The following CHODL variants were observed in gnomAD, a reference collection of about 807,000 sequenced individuals.
CHODL encodes the protein chondrolectin, also known as transmembrane protein MT75.
CHODL carries 29 observed loss-of-function variants against 34.5 expected under a neutral mutation model. That is an observed-to-expected ratio of 0.84 (90% CI 0.63 to 1.15). The LOEUF (loss-of-function observed/expected upper bound fraction) is 1.15. Among genes scored for constraint, CHODL ranks in the 50% most tolerant of loss-of-function variants. The pLI, the probability that CHODL is intolerant of heterozygous loss-of-function variation, is 0.00. For synonymous variants in CHODL, 125 were observed against 116.1 expected (o/e 1.08, Z -0.49); for missense variants, 332 against 332.5 (o/e 1.00, Z 0.01).
At chr21:18,070,928 A>G (rs1449044712) in intron 2 of CHODL, among the ~76,000 whole-genome samples, 1 of 151,520 alleles carries the variant, frequency 6.6e-6, no homozygotes, top group Non-Finnish European at 1.5e-5. Flanking sequence ...CTCTTCCTGC[A>G]TTACTCAGTT....
chr21:17,949,645 A>G (rs1279934043), intron 1 of CHODL, among the ~76,000 whole-genome samples: 6 of 152,176 alleles, frequency 3.9e-5, no homozygotes, highest in Admixed American at 3.3e-4. Context: ...GTACTGACCT[A>G]TCTCCTCTGA....
chr21:18,136,786 A>C (rs925947607), intron 2 of CHODL, among the ~76,000 whole-genome samples: 9 of 147,678 alleles, frequency 6.1e-5, no homozygotes, highest in Admixed American at 2.7e-4. Context: ...ATATGCTCAC[A>C]TATATGATAT....
In CHODL at chr21:17,919,747, A is replaced by T. The variant is rs145825191; in HGVS notation, c.-145+2347A>T. Among the ~76,000 whole-genome samples the T allele has an allele frequency of 8.0e-3, 1,216 of 152,296 alleles. 18 individuals carry two copies. The highest frequency in any genetic ancestry group is 0.027 in the African/African-American group (1,120 of 41,552). On this transcript the variant is annotated intron_variant, in intron 1 of 6. Coordinates refer to the CHODL transcript ENST00000400127. ...CAGAAAATGGGATTTTCTTTTCTAT[A>T]GCATTGTTAGGCTGCAAATTTTTCA...
intron 2 of CHODL, among the ~76,000 whole-genome samples, chr21:18,123,415 A>G (rs1161263666): frequency 2.0e-5 from 3 of 152,208 alleles, no homozygotes; most frequent in Non-Finnish European, 4.4e-5. Flanking sequence ...ATTCTATACC[A>G]GTTGTCTTAG....
chr21:17,939,497 CAATA>C (rs2063346208), intron 1 of CHODL, among the ~76,000 whole-genome samples: 1 of 152,092 alleles, frequency 6.6e-6, no homozygotes, highest in African/African-American at 2.4e-5. Flanking sequence ...ACATTAAAAA[CAATA>C]AAGTAATTCA....
At chr21:17,947,383 A>G (rs1407321391) in intron 1 of CHODL, among the ~76,000 whole-genome samples, 1 of 152,140 alleles carries the variant, frequency 6.6e-6, no homozygotes, top group Non-Finnish European at 1.5e-5. Context: ...AGTTTATAGC[A>G]GTAAACACCT....
chr21:18,098,048 T>G (rs188633250), intron 2 of CHODL, among the ~76,000 whole-genome samples: 1 of 152,038 alleles, frequency 6.6e-6, no homozygotes, highest in East Asian at 1.9e-4. Flanking sequence ...TCTCACCACA[T>G]ACAAAAATAA....
intron 2 of CHODL, among the ~76,000 whole-genome samples, chr21:18,071,569 CCCACGTGATTTTTCTAAGAGA>C (rs1056152715): frequency 2.6e-5 from 4 of 152,036 alleles, no homozygotes; most frequent in Non-Finnish European, 4.4e-5. Flanking sequence ...TACACAGCTC[CCCACGTGATTTTTCTAAGAGA>C]CAATTATTTC....
chr21:18,013,159 T>C (rs920132855), intron 1 of CHODL, among the ~76,000 whole-genome samples: 1 of 152,330 alleles, frequency 6.6e-6, no homozygotes, highest in Middle Eastern at 3.4e-3. Context: ...AATAATGCAC[T>C]CTCTATTGAC....
chr21:18,260,810 TCAAAAAAGC>T (rs1004244960), intron 4 of CHODL, among the ~76,000 whole-genome samples: 48 of 150,400 alleles, frequency 3.2e-4, no homozygotes, highest in Admixed American at 3.1e-3. Context: ...AGACCCTGTC[TCAAAAAAGC>T]AAACAACAAC....
Position 17,981,010 on chromosome 21 carries a change from G to A in CHODL, c.-144-46862G>A, listed in dbSNP as rs76318406. 4.0e-3 allele frequency among the ~76,000 whole-genome samples: 607 copies of A among 152,272 alleles called. 1 individual carries two copies. The highest frequency in any genetic ancestry group is 0.014 in the African/African-American group (584 of 41,562). On this transcript the variant is annotated intron_variant, in intron 1 of 6. Coordinates refer to the CHODL transcript ENST00000400127. Reference sequence around the variant, plus strand: ...ATGCAGACAATAATGCCAAGGATTGGAGATAATTTATGTAAAGCTTACCCT... The same window carrying A: ...ATGCAGACAATAATGCCAAGGATTGAAGATAATTTATGTAAAGCTTACCCT...
chr21:18,249,744 A>T (rs78112207), intron 1 of CHODL, among the ~76,000 whole-genome samples: 1,760 of 152,302 alleles, frequency 0.012, 23 homozygotes, highest in African/African-American at 0.04. Flanking sequence ...CAGCTTCAGC[A>T]CTTGTGAGCT....
At chr21:17,990,667 G>T (rs929750890) in intron 1 of CHODL, among the ~76,000 whole-genome samples, 5 of 151,890 alleles carry the variant, frequency 3.3e-5, no homozygotes, top group African/African-American at 1.2e-4. Flanking sequence ...TTTTTTCCAT[G>T]TGTAAAATAT....
At chr21:18,211,141 TACACACACACAC>T (rs3077936) in intron 2 of CHODL, among the ~76,000 whole-genome samples, 1 of 148,682 alleles carries the variant, frequency 6.7e-6, no homozygotes, top group Non-Finnish European at 1.5e-5. Flanking sequence ...TACACATGGA[TACACACACACAC>T]ACACACACAC....
At chr21:18,001,174 G>A (rs1036120340) in intron 1 of CHODL, among the ~76,000 whole-genome samples, 1 of 152,194 alleles carries the variant, frequency 6.6e-6, no homozygotes, top group African/African-American at 2.4e-5. Flanking sequence ...CAGAACAACT[G>A]CAGGGTTAAG....
chr21:17,989,123 C>T (rs1274329617), intron 1 of CHODL, among the ~76,000 whole-genome samples: 1 of 152,098 alleles, frequency 6.6e-6, no homozygotes, highest in Non-Finnish European at 1.5e-5. Flanking sequence ...ATTCTTAGTC[C>T]ATGATGTACT....
At chr21:17,920,539 A>G (rs1480810966) in intron 1 of CHODL, among the ~76,000 whole-genome samples, 1 of 152,242 alleles carries the variant, frequency 6.6e-6, no homozygotes, top group South Asian at 2.1e-4. Context: ...TATGAGAATT[A>G]TGGGAGTTAC....
chr21:18,038,289 G>C (rs903969187), intron 2 of CHODL, among the ~76,000 whole-genome samples: 1 of 151,572 alleles, frequency 6.6e-6, no homozygotes, highest in Admixed American at 6.6e-5. Flanking sequence ...ATGTATAAGG[G>C]CTCAGAAGAT....
intron 1 of CHODL, among the ~76,000 whole-genome samples, chr21:18,026,999 G>T (rs1021024567): frequency 1.3e-5 from 2 of 152,152 alleles, no homozygotes; most frequent in African/African-American, 4.8e-5. Flanking sequence ...TGTCCAGGCT[G>T]GGCGCAGTGG....
Sources: gnomAD v4.1 joint callset for allele counts (sites outside exome capture counted in the v4.1 genomes callset) on GRCh38, gnomAD v4.1.1 for gene constraint, MANE v1.5 for transcripts, NCBI Gene and HGNC (gene_info 2026-07-23, HGNC 2026-07-21) for gene names.